Variants in EP400 observed in about 807,000 individuals in gnomAD.
EP400 encodes the protein E1A-binding protein p400.
Under a neutral mutation model 354.1 loss-of-function variants are expected in EP400, and 105 were observed. The observed-to-expected ratio is 0.30, with a 90% CI of 0.25 to 0.35. EP400 has a LOEUF of 0.35. Ranked by LOEUF, EP400 falls within the 10% of genes least tolerant of loss-of-function variation. EP400 has a pLI of 1.00. For synonymous variants in EP400, 1,646 were observed against 1,716.9 expected (o/e 0.96, Z 1.02); for missense variants, 3,280 against 4,121.0 (o/e 0.80, Z 5.59).
chr12:131,954,900 T>C (rs947813138), intron 1 of EP400, among the ~76,000 whole-genome samples: 7 of 149,736 alleles, frequency 4.7e-5, no homozygotes, highest in African/African-American at 1.7e-4. Context: ...TGGTGGCGTG[T>C]AAGTCCCAGC....
At position 132,044,300 on chromosome 12, in the gene EP400, GCCTACAGCATGGTACCCGGCC is replaced by G; in HGVS notation, c.6576_6585+11del. The G allele has an allele frequency of 6.2e-7, 1 of 1,613,768 alleles. No individual in the cohort carries two copies. Among genetic ancestry groups the G allele is most frequent in the Non-Finnish European group, 8.5e-7 (1 of 1,179,898 alleles). ...GCTCCTGACCTACACGCGAGAGGAT[GCCTACAGCATGGTACCCGGCC>G]CGGGGCCCTCCTGCCCTCTTGCCCC... On this transcript the variant is annotated splice_donor_variant and splice_donor_5th_base_variant and coding_sequence_variant and intron_variant, in exon 35 of 53. Transcript: ENST00000389561. LOFTEE classifies it high-confidence loss of function.
intron 3 of EP400, among the ~76,000 whole-genome samples, 188 bp from the exon 4 acceptor site, chr12:131,981,301 T>C (rs552420193): frequency 6.6e-6 from 1 of 152,324 alleles, no homozygotes; most frequent in South Asian, 2.1e-4. Flanking sequence ...ATGATGCTTT[T>C]TCTTATATCG....
At position 132,029,370 on chromosome 12, in the gene EP400, C is replaced by A; in HGVS notation, c.5382-331C>A. ...GTCCACGAGACAGTGCACCTTTGTC[C>A]CAAAGTTTCCAGCTGAAGACACACT... is the stretch of plus-strand genomic sequence containing the variant. On this transcript the variant is annotated intron_variant, in intron 27 of 52. Coordinates refer to ENST00000389561, the MANE Select transcript of EP400 (RefSeq NM_015409.5). The surrounding 1 kb of genome is among the most constrained non-coding windows in gnomAD (Gnocchi z 4.7). The A allele has an allele frequency of 2.7e-6, 1 of 377,092 alleles. No individual in the cohort carries two copies. The highest frequency in any genetic ancestry group is 4.9e-6 in the Non-Finnish European group (1 of 205,992). The allele number at this position is 377,092 out of a possible 1,614,324, so 23.4% of individuals were successfully genotyped here. A position where few individuals can be genotyped will look rare whatever the true frequency, so the allele number is the denominator to read the frequency against.
chr12:132,055,285 T>C, intron 45 of EP400, 77 bp downstream of exon 45: 1 of 1,217,404 alleles, frequency 8.2e-7, no homozygotes, highest in Non-Finnish European at 1.1e-6. Flanking sequence ...TAATTCTTCT[T>C]CTTCTTTTTA....
In EP400 at chr12:132,029,929, C is replaced by T. The variant is rs779154408; in HGVS notation, c.5584+26C>T. On this transcript the variant is annotated intron_variant, in intron 28 of 52. Transcript: ENST00000389561. The surrounding 1 kb of genome is among the most constrained non-coding windows in gnomAD (Gnocchi z 4.7). ...GTATGCGGCAGTTGGGGGCGTGGCCCGTGCGGGAGCTGCACCGGCCCTGGA... is the reference window on the plus strand; with the variant it reads ...GTATGCGGCAGTTGGGGGCGTGGCCTGTGCGGGAGCTGCACCGGCCCTGGA... 2.8e-5 allele frequency: 45 copies of T among 1,611,042 alleles called. No individual in the cohort carries two copies. The highest frequency in any genetic ancestry group is 3.3e-5 in the Non-Finnish European group (39 of 1,179,240).
At chr12:131,963,683 T>G (rs780728984) in intron 2 of EP400, 18 of 1,501,848 alleles carry the variant, frequency 1.2e-5, no homozygotes, top group Non-Finnish European at 1.4e-5. Context: ...CATCCCAAAC[T>G]TTTCCTTCAT....
chr12:132,076,664 C>G (rs889204817), intron 52 of EP400, 71 bp downstream of exon 52: 2 of 1,373,872 alleles, frequency 1.5e-6, no homozygotes, highest in Admixed American at 4.3e-5. Context: ...CATCTGAGGT[C>G]ATGATTAGGG....
At chr12:132,046,102 T>C (rs1199491725) in intron 39 of EP400, among the ~76,000 whole-genome samples, 1 of 152,214 alleles carries the variant, frequency 6.6e-6, no homozygotes, top group Non-Finnish European at 1.5e-5. Flanking sequence ...GCATGAGCAG[T>C]GATGGAGGAG....
At position 132,013,878 on chromosome 12, in the gene EP400, A is replaced by G; in HGVS notation, c.3888A>G (p.Gln1296=). The part of the protein sequence containing the change: ...HVLKCRLSNR[Q]KALYEDVILQ... ...TGAAGTGTCGCCTTTCTAACCGACA[A>G]AAAGCCTTATACGAGGACGTTATCC... The change falls in exon 19 of 53, where the codon CAA becomes CAG. Residue 1296 remains glutamine, a synonymous_variant. Coordinates refer to ENST00000389561, the MANE Select transcript of EP400 (RefSeq NM_015409.5). This position sits in a 1 kb window ranked among gnomAD's most constrained non-coding sequence, Gnocchi z 4.5. 1 of 1,614,270 alleles carries G rather than the reference A, an allele frequency of 6.2e-7. No homozygotes were observed. The highest frequency in any genetic ancestry group is 8.5e-7 in the Non-Finnish European group (1 of 1,180,046).
intron 12 of EP400, among the ~76,000 whole-genome samples, chr12:131,995,709 C>T (rs1156234366): frequency 2.7e-5 from 4 of 149,976 alleles, no homozygotes; most frequent in African/African-American, 5.0e-5. Flanking sequence ...CTGAATGTGC[C>T]GTTCATCCTG....
chr12:132,024,451 G>A (rs1894229419), intron 24 of EP400, among the ~76,000 whole-genome samples: 1 of 152,164 alleles, frequency 6.6e-6, no homozygotes. Context: ...AACACCACAG[G>A]ATTAGTAATT....
chr12:131,991,411 A>G lies in EP400; in HGVS notation c.2634A>G (p.Lys878=). ...CTGTGCTCCTTGTCTCTCTAGGGAA[A>G]GAATTGAGACCTAAAGGATTTGACG... is the stretch of plus-strand genomic sequence containing the variant. The part of the protein sequence containing the change: ...LNLQKVSRRG[K]ELRPKGFDAL... The change falls in exon 10 of 53, where the codon AAA becomes AAG. Residue 878 remains lysine, a synonymous_variant. Coordinates refer to ENST00000389561, the MANE Select transcript of EP400 (RefSeq NM_015409.5). 1.9e-6 allele frequency: 3 copies of G among 1,613,944 alleles called. No individual in the cohort carries two copies. The highest frequency in any genetic ancestry group is 2.5e-6 in the Non-Finnish European group (3 of 1,179,914).
intron 3 of EP400, 76 bp from the exon 4 acceptor site, chr12:131,981,413 A>G: frequency 8.2e-7 from 1 of 1,218,522 alleles, no homozygotes; most frequent in Non-Finnish European, 1.2e-6. Context: ...GATGATAAAA[A>G]CACACATGTT....
rs1454615288 is a variant in EP400 at position 132,052,988 on chromosome 12, C to T, written c.7395-158C>T. ...GGCTGAGGATGAGGTCTAGGTGGCT[C>T]GATCTCCTGCAGGGCACATTGGGCA... On this transcript the variant is annotated intron_variant, in intron 41 of 52. Transcript: ENST00000389561. This position sits in a 1 kb window ranked among gnomAD's most constrained non-coding sequence, Gnocchi z 4.4. Among the ~76,000 whole-genome samples, 26 of 152,066 alleles carry T rather than the reference C, an allele frequency of 1.7e-4. No homozygotes were observed. The highest frequency in any genetic ancestry group is 7.4e-5 in the Non-Finnish European group (5 of 68,010).
In EP400 at chr12:132,030,139, C is replaced by A. The variant is rs751912764; in HGVS notation, c.5735C>A (p.Ala1912Asp). 10 of 1,614,174 alleles carry A rather than the reference C, an allele frequency of 6.2e-6. No individual in the cohort carries two copies. The highest frequency in any genetic ancestry group is 8.5e-6 in the Non-Finnish European group (10 of 1,180,030). ...YLTYVRIDEN[A>D]SSEQRQELMR... is the part of the protein sequence containing the mutation. ...ACCTATGTAAGAATCGATGAAAATG[C>A]CAGCAGTGAGCAACGGCAGGTGAGA... The change falls in exon 29 of 53, where the codon GCC (alanine) becomes GAC (aspartate). Residue 1912 changes from alanine to aspartate, a missense_variant. Transcript: ENST00000389561.
At chr12:132,024,981 C>G (rs1254290162) in intron 24 of EP400, among the ~76,000 whole-genome samples, 3 of 152,058 alleles carry the variant, frequency 2.0e-5, no homozygotes, top group Admixed American at 2.0e-4. Context: ...CACTGACCTC[C>G]TTAGAGAGAC....
At chr12:131,962,964 G>A (rs1168464744) in intron 2 of EP400, among the ~76,000 whole-genome samples, 1 of 152,162 alleles carries the variant, frequency 6.6e-6, no homozygotes, top group Non-Finnish European at 1.5e-5. Flanking sequence ...TTGCCATTTT[G>A]TGTTTTCTTT....
chr12:131,975,222 T>G (rs1474828298), intron 2 of EP400, among the ~76,000 whole-genome samples: 1 of 152,082 alleles, frequency 6.6e-6, no homozygotes, highest in Non-Finnish European at 1.5e-5. Context: ...GGGCGCACAG[T>G]CCTCCCTGTC....
rs1895312481 is a variant in EP400 at position 132,052,140 on chromosome 12, A to G, written c.7395-1006A>G. Among the ~76,000 whole-genome samples, 2 of 152,226 alleles carry G rather than the reference A, an allele frequency of 1.3e-5. No individual in the cohort carries two copies. The highest frequency in any genetic ancestry group is 4.8e-5 in the African/African-American group (2 of 41,450). On this transcript the variant is annotated intron_variant, in intron 41 of 52. Transcript: ENST00000389561. This position sits in a 1 kb window ranked among gnomAD's most constrained non-coding sequence, Gnocchi z 4.4. Reference sequence around the variant, plus strand: ...TAATGATTAATGATATTCATAGATAATCATATCTAAGATCTATATCTGGTA... The same window carrying G: ...TAATGATTAATGATATTCATAGATAGTCATATCTAAGATCTATATCTGGTA...
Sources: allele counts gnomAD v4.1 joint callset (sites outside exome capture counted in the v4.1 genomes callset), GRCh38; gene constraint gnomAD v4.1.1; non-coding constraint Gnocchi (gnomAD v3.1); transcripts MANE v1.5; gene names NCBI Gene and HGNC (gene_info 2026-07-23, HGNC 2026-07-21).